OGG1: variants seen among roughly 807,000 people sequenced by gnomAD.
The protein encoded by OGG1 is N-glycosylase/DNA lyase.
In OGG1, 35 loss-of-function variants were observed where a neutral mutation model predicts 42.3. The ratio of observed to expected loss-of-function variants is 0.83; its 90% confidence interval spans 0.63 to 1.10. The LOEUF is 1.10. Among genes scored for constraint, OGG1 ranks in the 50% least tolerant of loss-of-function variants. OGG1 has a pLI of 0.00. For synonymous variants in OGG1, 189 were observed against 179.0 expected, an observed-to-expected ratio of 1.06 and a Z score of -0.44; for missense variants, 484 against 446.7, an observed-to-expected ratio of 1.08 and a Z score of -0.75.
chr3:9,761,514 C>T (rs1262870375), downstream of OGG1: 3 of 1,613,470 alleles, frequency 1.9e-6, no homozygotes, highest in African/African-American at 2.7e-5. Flanking sequence ...TGCTGTAGGG[C>T]TTCTGGGCCA....
downstream of OGG1, among the ~76,000 whole-genome samples, chr3:9,771,351 A>C (rs1364089335): frequency 6.6e-6 from 1 of 152,158 alleles, no homozygotes; most frequent in African/African-American, 2.4e-5. Context: ...CTTACAGATG[A>C]GAGAGGAAGA....
At chr3:9,755,045 G>A (rs1329813574) in intron 4 of OGG1, among the ~76,000 whole-genome samples, 160 bp downstream of exon 4, 1 of 152,180 alleles carries the variant, frequency 6.6e-6, no homozygotes, top group Non-Finnish European at 1.5e-5. Context: ...AAAGCAGAGT[G>A]CAGAAAGAGT....
chr3:9,781,130 CA>C (rs931672265), intron 2 of OGG1, among the ~76,000 whole-genome samples: 106 of 139,736 alleles, frequency 7.6e-4, no homozygotes, highest in Middle Eastern at 3.6e-3. Flanking sequence ...ACTGTGTCTT[CA>C]AAAAAAAAAA....
chr3:9,787,298 C>G (rs2078637690), intron 3 of OGG1: 2 of 1,614,088 alleles, frequency 1.2e-6, no homozygotes, highest in Non-Finnish European at 1.7e-6. Flanking sequence ...AGCAGGTCCT[C>G]CTGGGCCCAG....
chr3:9,750,353 T>G lies in OGG1; in HGVS notation c.67T>G (p.Trp23Gly). ...HRTLASTPALWASIPCPRSEL... is the reference protein window; with the variant it reads ...HRTLASTPALGASIPCPRSEL... Reference sequence around the variant, plus strand: ...TACTCTAGCCTCCACTCCTGCCCTGTGGGCCTCCATCCCGTGCCCTCGCTC... The same window carrying G: ...TACTCTAGCCTCCACTCCTGCCCTGGGGGCCTCCATCCCGTGCCCTCGCTC... The change falls in exon 1 of 7, where the codon TGG becomes GGG. Residue 23 changes from tryptophan to glycine, a missense_variant. By Grantham distance (184) the Trp-to-Gly change is radical. Transcript: ENST00000344629. 2 of 1,614,036 alleles carry G rather than the reference T, an allele frequency of 1.2e-6. No individual in the cohort carries two copies. The highest frequency in any genetic ancestry group is 1.7e-6 in the Non-Finnish European group (2 of 1,180,010).
At chr3:9,775,804 T>A (rs1407692053) in intron 2 of OGG1, among the ~76,000 whole-genome samples, 4 of 152,168 alleles carry the variant, frequency 2.6e-5, no homozygotes, top group African/African-American at 4.8e-5. Context: ...CATGCCTGGC[T>A]ACGTTTTGTA....
At chr3:9,762,176 A>G (rs1393577640), downstream of OGG1, 1 of 165,450 alleles carries the variant, frequency 6.0e-6, no homozygotes, top group East Asian at 1.8e-4. Flanking sequence ...TAGCAGAGCC[A>G]GAATTCAAAA....
At chr3:9,789,741 G>A (rs1559721021), downstream of OGG1, 4 of 1,613,684 alleles carry the variant, frequency 2.5e-6, no homozygotes, top group Non-Finnish European at 2.5e-6. Flanking sequence ...TTGGGGATCC[G>A]TGGCACGTCG....
At chr3:9,760,706 T>C, downstream of OGG1, 1 of 1,614,084 alleles carries the variant, frequency 6.2e-7, no homozygotes, top group Non-Finnish European at 8.5e-7. Flanking sequence ...GTACTCGGCC[T>C]TCAAAATCTG....
Position 9,751,094 on chromosome 3 carries a change from T to C in OGG1, c.287T>C (p.Val96Ala). 6.2e-7 allele frequency: 1 copy of C among 1,614,112 alleles called. No homozygotes were observed. Among genetic ancestry groups the C allele is most frequent in the East Asian group, 2.2e-5 (1 of 44,892 alleles). ...SRPTPDELEA[V>A]RKYFQLDVTL... ...CCCACACCAGACGAGCTGGAGGCCG[T>C]GCGCAAGTACTTCCAGCTAGATGTT... Residue 96 changes from valine to alanine, a missense_variant, in exon 2 of 7, where the codon GTG becomes GCG. Val to Ala is a moderately conservative substitution (Grantham distance 64, BLOSUM62 0). Coordinates refer to ENST00000344629, the MANE Select transcript of OGG1 (RefSeq NM_002542.6).
In OGG1 at chr3:9,750,358, C is replaced by T. The variant is rs1384424693; in HGVS notation, c.72C>T (p.Ala24=). 1 of 1,614,066 alleles carries T rather than the reference C, an allele frequency of 6.2e-7. No individual in the cohort carries two copies. Among genetic ancestry groups the T allele is most frequent in the East Asian group, 2.2e-5 (1 of 44,874 alleles). The change falls in exon 1 of 7, where the codon GCC becomes GCT. Residue 24 remains alanine, a synonymous_variant. Coordinates refer to ENST00000344629, the MANE Select transcript of OGG1 (RefSeq NM_002542.6). ...TAGCCTCCACTCCTGCCCTGTGGGC[C>T]TCCATCCCGTGCCCTCGCTCTGAGC... ...RTLASTPALW[A]SIPCPRSELR...
chr3:9,760,845 A>G (rs2077828408), downstream of OGG1: 2 of 1,594,750 alleles, frequency 1.3e-6, no homozygotes, highest in Admixed American at 1.8e-5. Context: ...GGGCAGTCTC[A>G]GGGGTCAGGC....
chr3:9,766,122 T>C (rs1226111691), exon 8 of OGG1: 1 of 1,251,018 alleles, frequency 8.0e-7, no homozygotes, highest in Non-Finnish European at 1.1e-6. Flanking sequence ...CAAGCCAGCT[T>C]ACTAGCACTT....
At chr3:9,757,760 G>T, downstream of OGG1, 3 of 1,614,142 alleles carry the variant, frequency 1.9e-6, no homozygotes, top group Non-Finnish European at 1.7e-6. This position sits in a 1 kb window ranked among gnomAD's most constrained non-coding sequence, Gnocchi z 4.5. Flanking sequence ...GCTCCCCATG[G>T]CTCGCCGTCT....
chr3:9,773,622 C>A (rs2078328975), intron 2 of OGG1, among the ~76,000 whole-genome samples: 1 of 138,198 alleles, frequency 7.2e-6, no homozygotes, highest in Admixed American at 7.3e-5. Flanking sequence ...GGGGGATGAT[C>A]TTTTCTTCTT....
At chr3:9,779,443 A>G (rs967673193) in intron 2 of OGG1, among the ~76,000 whole-genome samples, 8 of 151,968 alleles carry the variant, frequency 5.3e-5, no homozygotes, top group African/African-American at 1.9e-4. Context: ...CAGCCAGAGA[A>G]GGACTCACCT....
intron 3 of OGG1, 21 bp from the exon 4 acceptor site, chr3:9,754,683 C>A: frequency 6.2e-7 from 1 of 1,612,812 alleles, no homozygotes; most frequent in Non-Finnish European, 8.5e-7. Context: ...TGATGCTTGC[C>A]CTCCTCCTCA....
exon 8 of OGG1, chr3:9,766,082 C>G: frequency 6.5e-7 from 1 of 1,535,044 alleles, no homozygotes; most frequent in Non-Finnish European, 8.9e-7. Flanking sequence ...AGTAGTCTCT[C>G]CCCTGGCCAC....
downstream of OGG1, among the ~76,000 whole-genome samples, chr3:9,790,210 G>A (rs2078700255): frequency 6.6e-6 from 1 of 152,028 alleles, no homozygotes; most frequent in Admixed American, 6.6e-5. Context: ...ATTCACTTCT[G>A]TATCACCCAT....
Sources: gnomAD v4.1 joint callset for allele counts (sites outside exome capture counted in the v4.1 genomes callset) on GRCh38, gnomAD v4.1.1 for gene constraint, Gnocchi (gnomAD v3.1) non-coding constraint, MANE v1.5 for transcripts, NCBI Gene and HGNC (gene_info 2026-07-23, HGNC 2026-07-21) for gene names.